RETREG1: variants seen among roughly 807,000 people sequenced by gnomAD.
The protein encoded by RETREG1 is family with sequence similarity 134 member B.
In RETREG1, 44 loss-of-function variants were observed where a neutral mutation model predicts 54.8. That is an observed-to-expected ratio of 0.80 (90% CI 0.63 to 1.03). RETREG1 has a LOEUF of 1.03. RETREG1 is among the 50% of genes least tolerant of loss of function. RETREG1 has a pLI of 0.00. For synonymous variants in RETREG1, 217 were observed against 238.5 expected (o/e 0.91, Z 0.83); for missense variants, 554 against 605.1 (o/e 0.92, Z 0.89).
At chr5:16,514,970 T>C (rs547626421) in intron 3 of RETREG1, among the ~76,000 whole-genome samples, 56 of 148,070 alleles carry the variant, frequency 3.8e-4, no homozygotes, top group African/African-American at 1.3e-3. Flanking sequence ...ATATATTATA[T>C]ATATATATAA....
Position 16,565,783 on chromosome 5 carries a change from C to A in RETREG1, c.438G>T (p.Leu146Phe), listed in dbSNP as rs61741225. ...MVLSRTRGAQ[L>F]WRSLSESWEV... ...CCTACCTTTCACTGAGGCTTCTCCA[C>A]AACTGTGCACCTGCAACAGGGAGAA... is the stretch of plus-strand genomic sequence containing the variant. Residue 146 changes from leucine to phenylalanine, a missense_variant, in exon 3 of 9, where the codon TTG becomes TTT. Coordinates refer to ENST00000306320, the MANE Select transcript of RETREG1 (RefSeq NM_001034850.3). 6.2e-7 allele frequency: 1 copy of A among 1,613,796 alleles called. No homozygotes were observed.
At chr5:16,484,273 T>C (rs1738932157) in intron 3 of RETREG1, among the ~76,000 whole-genome samples, 1 of 152,152 alleles carries the variant, frequency 6.6e-6, no homozygotes, top group South Asian at 2.1e-4. Flanking sequence ...TGTAAATACA[T>C]GTCATTCCCT....
intron 3 of RETREG1, among the ~76,000 whole-genome samples, chr5:16,509,938 G>A (rs1345019449): frequency 6.6e-6 from 1 of 152,182 alleles, no homozygotes; most frequent in East Asian, 1.9e-4. Context: ...AGGCTGCAGT[G>A]AGCCAAGATC....
At chr5:16,605,743 G>A (rs1206724162) in intron 1 of RETREG1, among the ~76,000 whole-genome samples, 2 of 152,170 alleles carry the variant, frequency 1.3e-5, no homozygotes, top group Non-Finnish European at 2.9e-5. Flanking sequence ...CATCTGGTGA[G>A]GGCTCACTCT....
chr5:16,553,464 CAT>C (rs1741600677), intron 3 of RETREG1, among the ~76,000 whole-genome samples: 1 of 151,758 alleles, frequency 6.6e-6, no homozygotes, highest in Admixed American at 6.6e-5. Context: ...TAAATATATA[CAT>C]GTTTATATTT....
intron 3 of RETREG1, among the ~76,000 whole-genome samples, chr5:16,485,548 C>A (rs1250958840): frequency 6.6e-6 from 1 of 152,094 alleles, no homozygotes; most frequent in East Asian, 1.9e-4. Context: ...GGATTCATGT[C>A]TTGGAAATGA....
At chr5:16,588,156 A>C (rs1226127490) in intron 1 of RETREG1, among the ~76,000 whole-genome samples, 1 of 152,184 alleles carries the variant, frequency 6.6e-6, no homozygotes, top group Non-Finnish European at 1.5e-5. Context: ...AGGGTGGCTT[A>C]AACTACAGAA....
chr5:16,594,266 T>C lies in RETREG1; in HGVS notation c.321-22164A>G, dbSNP rs1007278006. Among the ~76,000 whole-genome samples, 1 of 152,246 alleles carries C rather than the reference T, an allele frequency of 6.6e-6. No individual in the cohort carries two copies. The highest frequency in any genetic ancestry group is 1.5e-5 in the Non-Finnish European group (1 of 68,034). On this transcript the variant is annotated intron_variant, in intron 1 of 8. Coordinates refer to ENST00000306320, the MANE Select transcript of RETREG1 (RefSeq NM_001034850.3). The surrounding 1 kb of genome is among the most constrained non-coding windows in gnomAD (Gnocchi z 4.4). ...TACGATTAAGAATCAAAATTTCTCCTGATGCCCAACTTTCATTTTGATAAA... is the reference window on the plus strand; with the variant it reads ...TACGATTAAGAATCAAAATTTCTCCCGATGCCCAACTTTCATTTTGATAAA...
At chr5:16,509,881 A>G (rs1740113129) in intron 3 of RETREG1, among the ~76,000 whole-genome samples, 1 of 152,112 alleles carries the variant, frequency 6.6e-6, no homozygotes, top group Admixed American at 6.5e-5. Flanking sequence ...GTGGTCCCAG[A>G]AACTTGGGAG....
At position 16,565,774 on chromosome 5, in the gene RETREG1, G is replaced by A. The variant is rs754075229; in HGVS notation, c.447C>T (p.Ser149=). ...SRTRGAQLWR[S]LSESWEVINS... The stretch of plus-strand genomic sequence containing the variant: ...AGAAAGTTCCCTACCTTTCACTGAG[G>A]CTTCTCCACAACTGTGCACCTGCAA... The change falls in exon 3 of 9, where the codon AGC becomes AGT. Residue 149 remains serine (S), a synonymous_variant. Coordinates refer to ENST00000306320, the MANE Select transcript of RETREG1 (RefSeq NM_001034850.3). 6.2e-7 allele frequency: 1 copy of A among 1,613,956 alleles called. No homozygotes were observed. Among genetic ancestry groups the A allele is most frequent in the Non-Finnish European group, 8.5e-7 (1 of 1,179,992 alleles).
chr5:16,608,766 G>A (rs1009615800), intron 1 of RETREG1, among the ~76,000 whole-genome samples: 9 of 152,154 alleles, frequency 5.9e-5, no homozygotes, highest in African/African-American at 9.7e-5. Flanking sequence ...AAGATAAGGC[G>A]AGGAACTTGG....
At chr5:16,550,380 T>C (rs1048870155) in intron 3 of RETREG1, among the ~76,000 whole-genome samples, 6 of 152,184 alleles carry the variant, frequency 3.9e-5, no homozygotes, top group African/African-American at 1.4e-4. Flanking sequence ...GAGGTACTGA[T>C]GGTGCCTAGA....
chr5:16,598,919 CACCATCCT>C (rs1193479160), intron 1 of RETREG1, among the ~76,000 whole-genome samples: 1 of 152,152 alleles, frequency 6.6e-6, no homozygotes, highest in African/African-American at 2.4e-5. Context: ...GGCTCATGCT[CACCATCCT>C]AGCACTTTGG....
intron 3 of RETREG1, among the ~76,000 whole-genome samples, chr5:16,517,696 G>C (rs1271554319): frequency 6.6e-6 from 1 of 152,084 alleles, no homozygotes; most frequent in Non-Finnish European, 1.5e-5. Context: ...ACATGTTTTT[G>C]ATCAAGCACC....
chr5:16,605,957 T>C (rs1743180093), intron 1 of RETREG1, among the ~76,000 whole-genome samples: 1 of 152,150 alleles, frequency 6.6e-6, no homozygotes, highest in Non-Finnish European at 1.5e-5. Flanking sequence ...GGGACACAAA[T>C]ATTCAGACCA....
chr5:16,531,969 C>A (rs1288764223), intron 3 of RETREG1, among the ~76,000 whole-genome samples: 1 of 152,136 alleles, frequency 6.6e-6, no homozygotes, highest in Non-Finnish European at 1.5e-5. Context: ...GGGCTGTGTC[C>A]ACCCTGTTAA....
At chr5:16,541,694 GAAGAAAAGAA>G (rs774285454) in intron 3 of RETREG1, among the ~76,000 whole-genome samples, 79 of 144,388 alleles carry the variant, frequency 5.5e-4, no homozygotes, top group Non-Finnish European at 8.4e-4. Context: ...CAGAAAGTAA[GAAGAAAAGAA>G]AAGAGAAGAA....
intron 3 of RETREG1, among the ~76,000 whole-genome samples, chr5:16,487,212 A>G (rs1050115799): frequency 6.6e-6 from 1 of 152,206 alleles, no homozygotes; most frequent in East Asian, 1.9e-4. Flanking sequence ...CTGACGCTCA[A>G]CTAAGGGAGA....
At chr5:16,615,333 G>C (rs1262996408) in intron 1 of RETREG1, among the ~76,000 whole-genome samples, 2 of 148,212 alleles carry the variant, frequency 1.3e-5, no homozygotes, top group African/African-American at 5.0e-5. Context: ...CCGGGAGGCA[G>C]AGCTTGCAGC....
Sources: allele counts gnomAD v4.1 joint callset (sites outside exome capture counted in the v4.1 genomes callset), GRCh38; gene constraint gnomAD v4.1.1; non-coding constraint Gnocchi (gnomAD v3.1); transcripts MANE v1.5; gene names NCBI Gene and HGNC (gene_info 2026-07-23, HGNC 2026-07-21).